TBC1D1: variants seen among roughly 807,000 people sequenced by gnomAD.
TBC1D1 encodes the protein TBC1 (tre-2/USP6, BUB2, cdc16) domain family, member 1.
Under a neutral mutation model 125.6 loss-of-function variants are expected in TBC1D1, and 89 were observed. The ratio of observed to expected loss-of-function variants is 0.71; its 90% CI spans 0.60 to 0.85. The LOEUF is 0.85. Ranked by LOEUF, TBC1D1 falls within the 40% of genes least tolerant of loss-of-function variation. The pLI, the probability that TBC1D1 is intolerant of heterozygous loss-of-function variation, is 0.00. For synonymous variants in TBC1D1, 565 were observed against 564.1 expected, an observed-to-expected ratio of 1.00 and a Z score of -0.02; for missense variants, 1,377 against 1,469.2, an observed-to-expected ratio of 0.94 and a Z score of 1.03.
chr4:38,115,964 G>A lies in TBC1D1; in HGVS notation c.2802+10G>A. 2 of 1,611,278 alleles carry A rather than the reference G, an allele frequency of 1.2e-6. No individual in the cohort carries two copies. The highest frequency in any genetic ancestry group is 1.7e-6 in the Non-Finnish European group (2 of 1,178,112). On this transcript the variant is annotated intron_variant, in intron 16 of 19. Coordinates refer to ENST00000261439, the MANE Select transcript of TBC1D1 (RefSeq NM_015173.4). ...CATGATTATTTTACAGGTATAGAGT[G>A]TTCCTTATGTCTTTAATACAACAAA...
chr4:37,972,335 G>T (rs889187726), intron 2 of TBC1D1, among the ~76,000 whole-genome samples: 32 of 151,902 alleles, frequency 2.1e-4, no homozygotes, highest in Non-Finnish European at 1.5e-4. Context: ...TACAAAATTA[G>T]CCAGGTGTGA....
At chr4:38,127,487 C>T (rs1764855524) in intron 18 of TBC1D1, among the ~76,000 whole-genome samples, 1 of 151,004 alleles carries the variant, frequency 6.6e-6, no homozygotes, top group Non-Finnish European at 1.5e-5. Flanking sequence ...TGGGCTCAAG[C>T]ATTCTCGTGC....
intron 15 of TBC1D1, among the ~76,000 whole-genome samples, chr4:38,115,160 G>A (rs113608900): frequency 2.0e-5 from 3 of 150,042 alleles, no homozygotes; most frequent in African/African-American, 7.5e-5. Context: ...GAGTGCAGTG[G>A]CATGATCTCA....
intron 8 of TBC1D1, among the ~76,000 whole-genome samples, chr4:38,043,625 A>G (rs1748849311): frequency 6.6e-6 from 1 of 151,852 alleles, no homozygotes; most frequent in Non-Finnish European, 1.5e-5. Context: ...GTAAATAAGT[A>G]ACACTAAGAC....
intron 3 of TBC1D1, among the ~76,000 whole-genome samples, chr4:38,016,406 TTCCCTCGAG>T (rs1430885183): frequency 6.6e-6 from 1 of 152,206 alleles, no homozygotes; most frequent in East Asian, 1.9e-4. Flanking sequence ...CTCAGCATTC[TTCCCTCGAG>T]TTGTCACGGT....
chr4:38,043,971 T>G (rs1748919725), intron 8 of TBC1D1, among the ~76,000 whole-genome samples: 1 of 152,234 alleles, frequency 6.6e-6, no homozygotes, highest in African/African-American at 2.4e-5. Context: ...CCTGTTTGAG[T>G]CTCACAACAC....
chr4:37,973,102 A>G (rs997733093), intron 2 of TBC1D1, among the ~76,000 whole-genome samples: 1 of 152,166 alleles, frequency 6.6e-6, no homozygotes, highest in Non-Finnish European at 1.5e-5. Flanking sequence ...AGAGCACCAC[A>G]CATTGCTATC....
rs560783735 is a variant in TBC1D1, at chr4:38,104,916, T to C, written c.2557+1759T>C. ...GACTACAGGTGCCCGCCACCATGCC[T>C]AGCTAATTTTTTGTATTTTTAGTAG... On this transcript the variant is annotated intron_variant, in intron 15 of 19. Coordinates refer to ENST00000261439, the MANE Select transcript of TBC1D1 (RefSeq NM_015173.4). 9.9e-4 allele frequency among the ~76,000 whole-genome samples: 151 copies of C among 152,054 alleles called. 4 individuals carry two copies. The East Asian group carries it at 0.027, about 27-fold the overall frequency.
chr4:38,110,742 G>A (rs543542262), intron 15 of TBC1D1: 245 of 985,352 alleles, frequency 2.5e-4, no homozygotes, highest in Non-Finnish European at 2.8e-4. Context: ...GTGGTAAGTT[G>A]TAAAATGCAG....
At chr4:38,124,740 T>C (rs1764369503) in intron 17 of TBC1D1, among the ~76,000 whole-genome samples, 1 of 152,228 alleles carries the variant, frequency 6.6e-6, no homozygotes, top group South Asian at 2.1e-4. Flanking sequence ...TTGAATTTTA[T>C]TTTCAGAGTA....
Position 37,952,830 on chromosome 4 carries a change from G to A in TBC1D1, c.417+50318G>A, listed in dbSNP as rs576831116. 4 of 152,318 alleles carry A rather than the reference G, an allele frequency of 2.6e-5. No individual in the cohort carries two copies. The East Asian group carries it at 7.7e-4, about 29-fold the overall frequency. The allele number at this position is 152,318 out of a possible 1,614,324, so 9.4% of individuals were successfully genotyped here. ...GGGAAAAATAAAATGTCCATCTCTT[G>A]AATCCTGGTTTTTTACTTATCCCAC... On this transcript the variant is annotated intron_variant, in intron 2 of 19. Coordinates refer to ENST00000261439, the MANE Select transcript of TBC1D1 (RefSeq NM_015173.4).
chr4:38,105,012 CT>C (rs1761053194), intron 15 of TBC1D1, among the ~76,000 whole-genome samples: 1 of 152,136 alleles, frequency 6.6e-6, no homozygotes, highest in Non-Finnish European at 1.5e-5. Context: ...GCCTTGGCCT[CT>C]CAAAGTGCTG....
intron 12 of TBC1D1, among the ~76,000 whole-genome samples, chr4:38,061,976 T>C (rs1437074405): frequency 6.6e-6 from 1 of 152,122 alleles, no homozygotes; most frequent in East Asian, 1.9e-4. Context: ...TGCTGGAAAA[T>C]ACAAGCATAG....
chr4:37,899,874 A>C lies in TBC1D1; in HGVS notation c.-93-2129A>C, dbSNP rs1202858669. ...GGTGGCTCAAGCCTGTAATCCCAGCACTTTGGGAGGCCGAGGCGGGCGGAA... is the reference window on the plus strand; with the variant it reads ...GGTGGCTCAAGCCTGTAATCCCAGCCCTTTGGGAGGCCGAGGCGGGCGGAA... On this transcript the variant is annotated intron_variant, in intron 1 of 19. Coordinates refer to ENST00000261439, the MANE Select transcript of TBC1D1 (RefSeq NM_015173.4). Among the ~76,000 whole-genome samples, 3 of 150,954 alleles carry C rather than the reference A, an allele frequency of 2.0e-5. No homozygotes were observed. The East Asian group carries it at 5.9e-4, about 29-fold the overall frequency.
At chr4:38,123,275 T>C (rs938726572) in intron 17 of TBC1D1, among the ~76,000 whole-genome samples, 3 of 152,250 alleles carry the variant, frequency 2.0e-5, no homozygotes, top group African/African-American at 7.2e-5. Context: ...TGTTCAGCTA[T>C]AAAAGTTCAT....
intron 2 of TBC1D1, among the ~76,000 whole-genome samples, chr4:37,966,697 A>G (rs1290171253): frequency 6.6e-6 from 1 of 152,162 alleles, no homozygotes; most frequent in Non-Finnish European, 1.5e-5. Context: ...TTTGATACAT[A>G]GGGTTTGCTG....
intron 2 of TBC1D1, among the ~76,000 whole-genome samples, chr4:37,903,232 A>G (rs778771570): frequency 9.9e-5 from 15 of 152,196 alleles, no homozygotes; most frequent in Non-Finnish European, 1.9e-4. Flanking sequence ...AGACATGGTA[A>G]AAGTTCTGCT....
At chr4:38,084,125 G>A (rs938018271) in intron 12 of TBC1D1, among the ~76,000 whole-genome samples, 2 of 151,990 alleles carry the variant, frequency 1.3e-5, no homozygotes, top group African/African-American at 4.8e-5. Context: ...TAGTAGAGAC[G>A]GGGTTTCACC....
chr4:37,977,964 A>T lies in TBC1D1; in HGVS notation c.418-36545A>T, dbSNP rs1733575516. Among the ~76,000 whole-genome samples the T allele has an allele frequency of 6.6e-6, 1 of 152,160 alleles. No homozygotes were observed. Among genetic ancestry groups the T allele is most frequent in the Admixed American group, 6.5e-5 (1 of 15,282 alleles). ...AGTCGGCTTGCGCTGGGCCGCCTGG[A>T]CAGGGCGCCGAGGATGCCCAGAGGC... On this transcript the variant is annotated intron_variant, in intron 2 of 19. Transcript: ENST00000261439. The surrounding 1 kb of genome is among the most constrained non-coding windows in gnomAD (Gnocchi z 4.3).
Sources: allele counts gnomAD v4.1 joint callset (sites outside exome capture counted in the v4.1 genomes callset), GRCh38; gene constraint gnomAD v4.1.1; non-coding constraint Gnocchi (gnomAD v3.1); transcripts MANE v1.5; gene names NCBI Gene and HGNC (gene_info 2026-07-23, HGNC 2026-07-21).